L3MBTL4: variants seen among roughly 807,000 people sequenced by gnomAD.
L3MBTL4 encodes the protein lethal(3)malignant brain tumor-like protein 4.
L3MBTL4 carries 70 observed loss-of-function variants against 84.5 expected under a neutral mutation model. That is an observed-to-expected ratio of 0.83 (90% CI 0.68 to 1.01). The LOEUF is 1.01. Ranked by LOEUF, L3MBTL4 falls within the 50% of genes least tolerant of loss-of-function variation. L3MBTL4 has a pLI of 0.00. For missense variants in L3MBTL4, 715 were observed against 754.8 expected (o/e 0.95, Z 0.62); for synonymous variants, 274 against 259.8 (o/e 1.05, Z -0.52).
intron 16 of L3MBTL4, among the ~76,000 whole-genome samples, chr18:5,970,116 C>T (rs1446483795): frequency 6.6e-6 from 1 of 152,224 alleles, no homozygotes; most frequent in African/African-American, 2.4e-5. Flanking sequence ...GTGATATCAG[C>T]TGCTGCTGCT....
Position 6,376,723 on chromosome 18 carries a change from G to A in L3MBTL4, c.-91+38078C>T, listed in dbSNP as rs187138847. Among the ~76,000 whole-genome samples, 34 of 152,318 alleles carry A rather than the reference G, an allele frequency of 2.2e-4. No individual in the cohort carries two copies. In the East Asian group the frequency reaches 5.4e-3, roughly 24 times the overall value. ...ACTGCACTCCAGCCTGGGTGACAGAGTGAGACCTTGTCTCAAAAAACAAAC... is the reference window on the plus strand; with the variant it reads ...ACTGCACTCCAGCCTGGGTGACAGAATGAGACCTTGTCTCAAAAAACAAAC... On this transcript the variant is annotated intron_variant, in intron 1 of 18. Transcript: ENST00000317931.
chr18:6,285,305 G>A (rs2049520208), intron 4 of L3MBTL4, among the ~76,000 whole-genome samples: 1 of 152,104 alleles, frequency 6.6e-6, no homozygotes, highest in African/African-American at 2.4e-5. Context: ...ACAACTAAGG[G>A]GAACAGAGCC....
At chr18:6,361,894 C>T (rs1411748818) in intron 1 of L3MBTL4, among the ~76,000 whole-genome samples, 1 of 151,888 alleles carries the variant, frequency 6.6e-6, no homozygotes, top group African/African-American at 2.4e-5. Context: ...CGCAGGGTGA[C>T]CGCTTGACTC....
intron 16 of L3MBTL4, chr18:6,031,176 T>G: frequency 1.0e-6 from 1 of 985,342 alleles, no homozygotes; most frequent in Non-Finnish European, 1.2e-6. Flanking sequence ...CTCTCCCTCC[T>G]CCCCCGTGGG....
chr18:6,022,585 A>T (rs8089891), intron 16 of L3MBTL4, among the ~76,000 whole-genome samples: 14,048 of 152,220 alleles, frequency 0.092, 771 homozygotes, highest in African/African-American at 0.12. Flanking sequence ...TAGCTTCATC[A>T]TCCACCTGTG....
intron 10 of L3MBTL4, among the ~76,000 whole-genome samples, chr18:6,234,494 A>C (rs1236088235): frequency 1.3e-5 from 2 of 152,328 alleles, no homozygotes; most frequent in East Asian, 3.9e-4. Flanking sequence ...ACCCCATCAA[A>C]AAGTGGGCAA....
intron 16 of L3MBTL4, among the ~76,000 whole-genome samples, chr18:6,029,023 C>G (rs1373072410): frequency 6.6e-6 from 1 of 152,118 alleles, no homozygotes; most frequent in African/African-American, 2.4e-5. Context: ...TTTGCTTTCT[C>G]TGAATGTTAA....
At chr18:6,352,677 G>T (rs2053251773) in intron 1 of L3MBTL4, among the ~76,000 whole-genome samples, 1 of 152,200 alleles carries the variant, frequency 6.6e-6, no homozygotes, top group Non-Finnish European at 1.5e-5. Flanking sequence ...GATACAGACA[G>T]TGACCTTGTT....
rs552318600 is a variant in L3MBTL4 at position 6,155,746 on chromosome 18, G to A, written c.1096+16082C>T. ...CAGTTCTCTAAGTCTGTCATTTAGC[G>A]CTCATTGAATTTTAGGTTTGTGTAT... On this transcript the variant is annotated intron_variant, in intron 13 of 18. Coordinates refer to ENST00000317931, the MANE Select transcript of L3MBTL4 (RefSeq NM_001330559.2). 3.3e-5 allele frequency among the ~76,000 whole-genome samples: 5 copies of A among 152,102 alleles called. No individual in the cohort carries two copies. The East Asian group carries it at 5.8e-4, about 18-fold the overall frequency.
chr18:5,958,180 C>T (rs1028773803), intron 18 of L3MBTL4, among the ~76,000 whole-genome samples: 21 of 148,752 alleles, frequency 1.4e-4, no homozygotes, highest in African/African-American at 4.2e-4. Context: ...AAGAAGACGA[C>T]GAAGAAGAAG....
intron 15 of L3MBTL4, among the ~76,000 whole-genome samples, chr18:6,084,199 T>A (rs1441345754): frequency 6.6e-6 from 1 of 152,230 alleles, no homozygotes; most frequent in African/African-American, 2.4e-5. Flanking sequence ...GTTAGCAAAC[T>A]ATGCCCCGTA....
At chr18:6,289,014 A>G (rs1360818598) in intron 4 of L3MBTL4, among the ~76,000 whole-genome samples, 1 of 152,026 alleles carries the variant, frequency 6.6e-6, no homozygotes, top group Non-Finnish European at 1.5e-5. Context: ...TAATCAAAAT[A>G]TAAATTTAAA....
intron 10 of L3MBTL4, among the ~76,000 whole-genome samples, chr18:6,230,197 A>C (rs547242149): frequency 5.3e-4 from 80 of 152,078 alleles, no homozygotes; most frequent in Non-Finnish European, 9.7e-4. Flanking sequence ...AGAGGTAAAA[A>C]CTATCCCAGG....
intron 10 of L3MBTL4, among the ~76,000 whole-genome samples, chr18:6,234,609 G>T (rs187946525): frequency 1.3e-5 from 2 of 152,034 alleles, no homozygotes; most frequent in African/African-American, 4.8e-5. Flanking sequence ...AATCAAAACC[G>T]CAATGAGATG....
At chr18:6,383,907 C>T (rs971591410) in intron 1 of L3MBTL4, among the ~76,000 whole-genome samples, 1 of 152,186 alleles carries the variant, frequency 6.6e-6, no homozygotes, top group African/African-American at 2.4e-5. Context: ...GGATCAGGTA[C>T]AGTTTTTAAA....
chr18:5,958,065 A>AAGG (rs1319350085), intron 18 of L3MBTL4, among the ~76,000 whole-genome samples: 17 of 19,038 alleles, frequency 8.9e-4, no homozygotes, highest in South Asian at 2.8e-3. Flanking sequence ...GGAGAAGGAG[A>AAGG]AGAAGAAGAA....
intron 1 of L3MBTL4, among the ~76,000 whole-genome samples, chr18:6,411,602 C>T (rs1391484947): frequency 6.6e-6 from 1 of 152,150 alleles, no homozygotes; most frequent in African/African-American, 2.4e-5. Context: ...GACTGAGACA[C>T]CTGGTTTTCC....
At chr18:6,100,101 T>G (rs2058769984) in intron 14 of L3MBTL4, among the ~76,000 whole-genome samples, 1 of 152,200 alleles carries the variant, frequency 6.6e-6, no homozygotes. Flanking sequence ...CTACTCGCTC[T>G]ATAACCTTGG....
chr18:6,090,301 ACTCT>A (rs777409667), intron 15 of L3MBTL4, among the ~76,000 whole-genome samples: 44 of 152,114 alleles, frequency 2.9e-4, no homozygotes, highest in East Asian at 1.9e-3. Context: ...TAAAAACATG[ACTCT>A]CTACTAAAAA....
Sources: allele counts gnomAD v4.1 joint callset (sites outside exome capture counted in the v4.1 genomes callset), GRCh38; gene constraint gnomAD v4.1.1; transcripts MANE v1.5; gene names NCBI Gene and HGNC (gene_info 2026-07-23, HGNC 2026-07-21).